EHMT1: variants seen among roughly 807,000 people sequenced by gnomAD.
The protein encoded by EHMT1 is histone-lysine N-methyltransferase EHMT1.
A neutral mutation model predicts 147.2 loss-of-function variants in EHMT1; 15 were observed. The ratio of observed to expected loss-of-function variants is 0.10; its 90% CI spans 0.07 to 0.16. The LOEUF (loss-of-function observed/expected upper bound fraction) is 0.16, where lower values mean the gene tolerates loss of function less well. EHMT1 is among the 10% of genes least tolerant of loss of function. The pLI is 1.00. For missense variants in EHMT1, 1,587 were observed against 1,772.4 expected (o/e 0.90, Z 1.88); for synonymous variants, 795 against 709.6 (o/e 1.12, Z -1.91).
intron 18 of EHMT1, among the ~76,000 whole-genome samples, chr9:137,807,697 G>A (rs1478239986): frequency 6.6e-6 from 1 of 151,718 alleles, no homozygotes; most frequent in East Asian, 1.9e-4. Context: ...TAGTAGAGGC[G>A]GGGTTTCACC....
At chr9:137,626,905 C>T (rs1843296526) in intron 1 of EHMT1, among the ~76,000 whole-genome samples, 1 of 152,112 alleles carries the variant, frequency 6.6e-6, no homozygotes, top group East Asian at 1.9e-4. Context: ...GCCTCAGTCC[C>T]ACAGGTAGCT....
chr9:137,814,056 G>GCCCCCCCC (rs71387862), intron 21 of EHMT1, among the ~76,000 whole-genome samples: 9 of 50,048 alleles, frequency 1.8e-4, no homozygotes, highest in African/African-American at 4.7e-4. Context: ...CACTGCCCAG[G>GCCCCCCCC]CCCCCCCCCC....
At chr9:137,754,064 C>T (rs1949193628) in intron 7 of EHMT1, 107 bp from the exon 8 acceptor site, 5 of 1,566,892 alleles carry the variant, frequency 3.2e-6, no homozygotes, top group African/African-American at 1.4e-5. Context: ...AATTGAAGAT[C>T]AAGACATAGC....
chr9:137,795,483 C>G (rs1321207701), intron 16 of EHMT1, among the ~76,000 whole-genome samples: 1 of 148,372 alleles, frequency 6.7e-6, no homozygotes, highest in Non-Finnish European at 1.5e-5. Context: ...TCACTCAGAC[C>G]AGGACAACGT....
chr9:137,741,487 G>A (rs1390814918), intron 4 of EHMT1, among the ~76,000 whole-genome samples: 1 of 152,208 alleles, frequency 6.6e-6, no homozygotes, highest in Non-Finnish European at 1.5e-5. Context: ...CAGACAGTAT[G>A]TAGACAGTGG....
intron 3 of EHMT1, among the ~76,000 whole-genome samples, chr9:137,722,189 T>TA (rs1166455881): frequency 1.3e-5 from 2 of 152,242 alleles, no homozygotes; most frequent in African/African-American, 4.8e-5. Context: ...TCCAGGATTT[T>TA]ATTCTCATAT....
At chr9:137,745,058 C>T (rs1948433183) in intron 6 of EHMT1, among the ~76,000 whole-genome samples, 1 of 152,196 alleles carries the variant, frequency 6.6e-6, no homozygotes, top group East Asian at 1.9e-4. Context: ...GTGTGTCCAA[C>T]CATGTTTATT....
At chr9:137,753,053 A>G (rs1405266242) in intron 7 of EHMT1, among the ~76,000 whole-genome samples, 2 of 152,166 alleles carry the variant, frequency 1.3e-5, no homozygotes, top group African/African-American at 4.8e-5. Flanking sequence ...GGGTAAGAGC[A>G]GCGAGTCCCC....
intron 15 of EHMT1, among the ~76,000 whole-genome samples, chr9:137,790,295 C>A (rs1262436855): frequency 6.6e-6 from 1 of 152,196 alleles, no homozygotes; most frequent in Non-Finnish European, 1.5e-5. Flanking sequence ...ATTTTAAAGT[C>A]GAGGGCTTCT....
In EHMT1 at chr9:137,775,116, G is replaced by A. The variant is rs747623277; in HGVS notation, c.1655G>A (p.Arg552Gln). 30 of 1,614,056 alleles carry A rather than the reference G, an allele frequency of 1.9e-5. No individual in the cohort carries two copies. The highest frequency in any genetic ancestry group is 1.6e-4 in the Middle Eastern group (1 of 6,062). ...ATESVDHELG[R>Q]CTNSVVKYEL... Reference sequence around the variant, plus strand: ...AGTCTTGTCTGATTGCAGTTGGGCCGGTGCACAAACAGCGTGGTCAAGTAT... The same window carrying A: ...AGTCTTGTCTGATTGCAGTTGGGCCAGTGCACAAACAGCGTGGTCAAGTAT... The change falls in exon 11 of 27, where the codon CGG (arginine) becomes CAG (glutamine). Residue 552 changes from arginine (R) to glutamine (Q), a missense_variant. Around this residue, in one of 7 missense-constraint regions of EHMT1, gnomAD observed 124 missense variants for 197.8 expected, o/e 0.63. Transcript: ENST00000460843. The surrounding 1 kb of genome is among the most constrained non-coding windows in gnomAD (Gnocchi z 6.1).
intron 10 of EHMT1, among the ~76,000 whole-genome samples, chr9:137,769,623 T>C (rs1950466870): frequency 6.6e-6 from 1 of 152,120 alleles, no homozygotes; most frequent in African/African-American, 2.4e-5. Flanking sequence ...TTGCATACTA[T>C]ATGTCATTTT....
At position 137,716,801 on chromosome 9, in the gene EHMT1, A is replaced by T. The variant is rs372230459; in HGVS notation, c.261A>T (p.Thr87=). 17 of 1,613,188 alleles carry T rather than the reference A, an allele frequency of 1.1e-5. No homozygotes were observed. The highest frequency in any genetic ancestry group is 1.4e-5 in the Non-Finnish European group (16 of 1,179,886). Residue 87 remains threonine (T), a synonymous_variant, in exon 3 of 27, where the codon ACA becomes ACT. Coordinates refer to ENST00000460843, the MANE Select transcript of EHMT1 (RefSeq NM_024757.5). ...ARVNPQDGTN[T]LTRIAENGVS... The stretch of plus-strand genomic sequence containing the variant: ...TCAACCCCCAGGATGGCACCAACAC[A>T]CTAACTCGGATAGCGGAAAATGGGG...
chr9:137,834,618 T>A (rs1055465324), intron 26 of EHMT1, 94 bp downstream of exon 26: 1 of 1,597,494 alleles, frequency 6.3e-7, no homozygotes, highest in Non-Finnish European at 8.5e-7. Flanking sequence ...GTCTCGGGTT[T>A]ATGCTAGTGG....
At chr9:137,704,760 C>T (rs931462097) in intron 1 of EHMT1, among the ~76,000 whole-genome samples, 5 of 151,972 alleles carry the variant, frequency 3.3e-5, no homozygotes, top group Admixed American at 6.6e-5. Flanking sequence ...AATTTCCCTT[C>T]CTCCTGCCTT....
chr9:137,694,642 C>T (rs1264280059), intron 1 of EHMT1, among the ~76,000 whole-genome samples: 3 of 152,192 alleles, frequency 2.0e-5, no homozygotes, highest in Admixed American at 6.5e-5. Context: ...CGGGTAGAGG[C>T]TGTAAGTCTC....
chr9:137,767,299 A>C (rs1950279026), intron 10 of EHMT1, among the ~76,000 whole-genome samples: 2 of 152,136 alleles, frequency 1.3e-5, no homozygotes, highest in African/African-American at 4.8e-5. Context: ...CTTTTATCTA[A>C]CATAGTCACG....
Position 137,744,097 on chromosome 9 carries a change from G to T in EHMT1, c.1170+7G>T, listed in dbSNP as rs756577733. ...GGCTGATCGCGCCCAGAAGGTATGT[G>T]TTGCTGTCTTGGGTGACAGCACAAG... On this transcript the variant is annotated splice_region_variant and intron_variant, in intron 6 of 26. Transcript: ENST00000460843. 2 of 1,613,918 alleles carry T rather than the reference G, an allele frequency of 1.2e-6. No individual in the cohort carries two copies. Among genetic ancestry groups the T allele is most frequent in the Admixed American group, 3.3e-5 (2 of 60,030 alleles).
chr9:137,833,767 G>A (rs1956390112), intron 25 of EHMT1, among the ~76,000 whole-genome samples: 4 of 152,268 alleles, frequency 2.6e-5, no homozygotes, highest in Non-Finnish European at 5.9e-5. Context: ...GTGTTCCACA[G>A]TCACATCAGC....
chr9:137,780,602 A>AT (rs1951357312), intron 14 of EHMT1, among the ~76,000 whole-genome samples: 7 of 131,260 alleles, frequency 5.3e-5, no homozygotes, highest in African/African-American at 2.1e-4. Context: ...TGTGGTGATG[A>AT]CGCTGGGATG....
Sources: allele counts gnomAD v4.1 joint callset (sites outside exome capture counted in the v4.1 genomes callset), GRCh38; gene constraint gnomAD v4.1.1; regional missense constraint gnomAD v4.1.1; non-coding constraint Gnocchi (gnomAD v3.1); transcripts MANE v1.5; gene names NCBI Gene and HGNC (gene_info 2026-07-23, HGNC 2026-07-21).